The following HK1 variants were observed in gnomAD, a reference collection of about 807,000 sequenced individuals.
HK1 encodes the protein hexokinase-1.
A neutral mutation model predicts 91.6 loss-of-function variants in HK1; 28 were observed. The observed-to-expected ratio is 0.31, with a 90% CI of 0.23 to 0.42. The LOEUF (loss-of-function observed/expected upper bound fraction) is 0.42. Ranked by LOEUF, HK1 falls within the 10% of genes least tolerant of loss-of-function variation. The probability of loss-of-function intolerance (pLI) is 1.00; values close to 1 mark genes in which losing one functional copy is unlikely to be tolerated. For synonymous variants in HK1, 430 were observed against 468.1 expected (o/e 0.92, Z 1.05); for missense variants, 770 against 1,219.8 (o/e 0.63, Z 5.49).
At chr10:69,358,017 C>A (rs758049639) in intron 2 of HK1, among the ~76,000 whole-genome samples, 2 of 152,076 alleles carry the variant, frequency 1.3e-5, no homozygotes, top group Non-Finnish European at 2.9e-5. Flanking sequence ...TTCAATAATG[C>A]TGTTACATAA....
At chr10:69,333,451 G>C (rs955684636) in intron 1 of HK1, among the ~76,000 whole-genome samples, 1 of 152,166 alleles carries the variant, frequency 6.6e-6, no homozygotes, top group Admixed American at 6.5e-5. Flanking sequence ...GGGCTGTTCT[G>C]TTCTCCCCGA....
At chr10:69,307,629 G>A (rs529393790) in intron 5 of HK1, among the ~76,000 whole-genome samples, 20 of 152,200 alleles carry the variant, frequency 1.3e-4, no homozygotes, top group South Asian at 1.0e-3. Context: ...TAATCACCCC[G>A]TGATTCAGTT....
At chr10:69,373,180 T>G (rs1850108508) in intron 7 of HK1, among the ~76,000 whole-genome samples, 1 of 152,208 alleles carries the variant, frequency 6.6e-6, no homozygotes, top group Non-Finnish European at 1.5e-5. Context: ...TTAACCAGGT[T>G]TTAAAATCTC....
At chr10:69,319,597 T>C (rs973678381) in intron 1 of HK1, among the ~76,000 whole-genome samples, 3 of 152,260 alleles carry the variant, frequency 2.0e-5, no homozygotes, top group African/African-American at 4.8e-5. Context: ...ACTTTGCTCA[T>C]AGGCCTCGTG....
At chr10:69,290,798 C>A (rs1472028576) in intron 3 of HK1, among the ~76,000 whole-genome samples, 2 of 152,222 alleles carry the variant, frequency 1.3e-5, no homozygotes, top group East Asian at 1.9e-4. Context: ...CTGTGCTCAG[C>A]CCCTCTCAGG....
intron 2 of HK1, among the ~76,000 whole-genome samples, chr10:69,346,292 C>T (rs1848556127): frequency 6.6e-6 from 1 of 152,190 alleles, no homozygotes; most frequent in African/African-American, 2.4e-5. Flanking sequence ...GATAAATTGG[C>T]GCTCACCATG....
intron 9 of HK1, among the ~76,000 whole-genome samples, chr10:69,381,546 C>CTTTTTTTTTTT (rs35306200): frequency 1.5e-5 from 2 of 132,246 alleles, no homozygotes; most frequent in Non-Finnish European, 1.6e-5. Context: ...TCATCTTAAC[C>CTTTTTTTTTTT]TTTTTTTTTT....
intron 1 of HK1, among the ~76,000 whole-genome samples, chr10:69,274,871 C>T: frequency 6.6e-6 from 1 of 152,074 alleles, no homozygotes; most frequent in Non-Finnish European, 1.5e-5. Flanking sequence ...TTCTCATTCT[C>T]TCTGAGTAGT....
At chr10:69,299,565 C>T (rs1845745814) in intron 4 of HK1, among the ~76,000 whole-genome samples, 1 of 151,444 alleles carries the variant, frequency 6.6e-6, no homozygotes, top group African/African-American at 2.4e-5. Context: ...CGGGGTTTCA[C>T]CATGTTGGTT....
At chr10:69,331,729 A>T (rs1039213541) in intron 1 of HK1, among the ~76,000 whole-genome samples, 1 of 151,522 alleles carries the variant, frequency 6.6e-6, no homozygotes, top group Non-Finnish European at 1.5e-5. Flanking sequence ...TAAAAACGTC[A>T]GCTGGGCATG....
intron 13 of HK1, among the ~76,000 whole-genome samples, chr10:69,388,357 G>A (rs917694878): frequency 2.0e-5 from 3 of 152,164 alleles, no homozygotes; most frequent in Non-Finnish European, 2.9e-5. Context: ...TGAGGTGGGC[G>A]GATTACTTGA....
At chr10:69,385,659 A>G (rs541071090) in intron 12 of HK1, among the ~76,000 whole-genome samples, 7 of 152,322 alleles carry the variant, frequency 4.6e-5, no homozygotes, top group Admixed American at 4.6e-4. Flanking sequence ...GCCAGGGTTT[A>G]AGGCTTAATG....
rs1849916774 is a variant in HK1, at chr10:69,369,997, C to G, written c.875+373C>G. Among the ~76,000 whole-genome samples, 1 of 152,226 alleles carries G rather than the reference C, an allele frequency of 6.6e-6. No individual in the cohort carries two copies. The highest frequency in any genetic ancestry group is 1.5e-5 in the Non-Finnish European group (1 of 68,036). Reference sequence around the variant, plus strand: ...AAGCGATCTGCCTGCCTCAGCCTCCCAAAATGCTGGGGTTACAGGCATGAG... The same window carrying G: ...AAGCGATCTGCCTGCCTCAGCCTCCGAAAATGCTGGGGTTACAGGCATGAG... On this transcript the variant is annotated intron_variant, in intron 7 of 17. Coordinates refer to ENST00000359426, the MANE Select transcript of HK1 (RefSeq NM_000188.3). This position sits in a 1 kb window ranked among gnomAD's most constrained non-coding sequence, Gnocchi z 4.4.
intron 16 of HK1, among the ~76,000 whole-genome samples, chr10:69,398,343 A>G (rs1436341699): frequency 6.6e-6 from 1 of 152,262 alleles, no homozygotes; most frequent in East Asian, 1.9e-4. Flanking sequence ...TAGGAAAAAT[A>G]AACTGGAAGG....
chr10:69,373,762 A>T (rs1357367947), intron 7 of HK1, among the ~76,000 whole-genome samples: 2 of 151,068 alleles, frequency 1.3e-5, no homozygotes, highest in Non-Finnish European at 3.0e-5. Flanking sequence ...GCTAATTTTA[A>T]AATTTTTTTA....
At chr10:69,374,499 A>C (rs969373426) in intron 7 of HK1, among the ~76,000 whole-genome samples, 6 of 152,258 alleles carry the variant, frequency 3.9e-5, no homozygotes, top group Non-Finnish European at 8.8e-5. Context: ...CACAGGTGGC[A>C]TGCCCTGAGA....
At chr10:69,319,209 A>AG in intron 1 of HK1, 199 bp downstream of exon 1, 2 of 681,182 alleles carry the variant, frequency 2.9e-6, no homozygotes, top group Non-Finnish European at 5.0e-6. Flanking sequence ...CGTTTTTGGG[A>AG]GGGGGGCAAT....
At position 69,396,763 on chromosome 10, in the gene HK1, C is replaced by T. The variant is rs1199328972; in HGVS notation, c.2375+1658C>T. Among the ~76,000 whole-genome samples the T allele has an allele frequency of 3.3e-5, 5 of 152,212 alleles. No individual in the cohort carries two copies. In the South Asian group the frequency reaches 8.3e-4, roughly 25 times the overall value. On this transcript the variant is annotated intron_variant, in intron 16 of 17. Transcript: ENST00000359426. ...ATGGTGCAAACTTGGCTCGCCATAA[C>T]CTCTGCCTCCTGGGTTCAAGCGATT...
At chr10:69,270,587 A>G (rs1325972266) in intron 1 of HK1, among the ~76,000 whole-genome samples, 1 of 149,384 alleles carries the variant, frequency 6.7e-6, no homozygotes, top group Non-Finnish European at 1.5e-5. Flanking sequence ...CTAAAAAAGA[A>G]AAAAAAAAAA....
Sources: allele counts gnomAD v4.1 joint callset (sites outside exome capture counted in the v4.1 genomes callset), GRCh38; gene constraint gnomAD v4.1.1; non-coding constraint Gnocchi (gnomAD v3.1); transcripts MANE v1.5; gene names NCBI Gene and HGNC (gene_info 2026-07-23, HGNC 2026-07-21).